The following ROBO2 variants were observed in gnomAD, a reference collection of about 807,000 sequenced individuals.
ROBO2 encodes the protein roundabout guidance receptor 2, also known as roundabout homolog 2.
ROBO2 carries 53 observed loss-of-function variants against 160.8 expected under a neutral mutation model. That is an observed-to-expected ratio of 0.33 (90% confidence interval 0.26 to 0.41). The LOEUF (loss-of-function observed/expected upper bound fraction) is 0.41. Ranked by LOEUF, ROBO2 falls within the 10% of genes least tolerant of loss-of-function variation. The probability of loss-of-function intolerance (pLI) is 1.00; values close to 1 mark genes in which losing one functional copy is unlikely to be tolerated. For synonymous variants in ROBO2, 664 were observed against 611.7 expected, an observed-to-expected ratio of 1.09 and a Z score of -1.26; for missense variants, 1,577 against 1,722.4, an observed-to-expected ratio of 0.92 and a Z score of 1.49.
intron 2 of ROBO2, among the ~76,000 whole-genome samples, chr3:77,333,128 GT>G (rs2066147014): frequency 6.6e-6 from 1 of 152,178 alleles, no homozygotes; most frequent in African/African-American, 2.4e-5. Context: ...TATGATTATG[GT>G]TATTCTAGCT....
chr3:76,707,055 T>C (rs564361230), intron 2 of ROBO2, among the ~76,000 whole-genome samples: 6 of 152,094 alleles, frequency 3.9e-5, no homozygotes, highest in Non-Finnish European at 8.8e-5. Flanking sequence ...TGCATGTATA[T>C]ATACATATTT....
chr3:77,168,994 G>T (rs1029291255), intron 2 of ROBO2, among the ~76,000 whole-genome samples: 1 of 152,192 alleles, frequency 6.6e-6, no homozygotes, highest in African/African-American at 2.4e-5. Flanking sequence ...ATGGAGAGCA[G>T]CAGTGACTCC....
At chr3:76,793,127 A>G (rs888406920) in intron 2 of ROBO2, among the ~76,000 whole-genome samples, 1 of 151,814 alleles carries the variant, frequency 6.6e-6, no homozygotes, top group South Asian at 2.1e-4. Context: ...CATATATAGA[A>G]AAATCACACT....
chr3:77,201,250 T>A (rs980868963), intron 2 of ROBO2, among the ~76,000 whole-genome samples: 1 of 152,180 alleles, frequency 6.6e-6, no homozygotes, highest in Non-Finnish European at 1.5e-5. Flanking sequence ...CTAGATTTTG[T>A]GCTCTTTCTA....
intron 2 of ROBO2, among the ~76,000 whole-genome samples, chr3:76,739,775 A>G (rs998723336): frequency 1.5e-4 from 23 of 152,210 alleles, no homozygotes; most frequent in Non-Finnish European, 2.8e-4. Flanking sequence ...TGTAAAAAAA[A>G]GGATAGAATC....
At chr3:77,594,473 C>A (rs1187467492) in intron 17 of ROBO2, among the ~76,000 whole-genome samples, 1 of 152,084 alleles carries the variant, frequency 6.6e-6, no homozygotes, top group African/African-American at 2.4e-5. Context: ...ATTGGTGTTG[C>A]TAATAAGTTC....
intron 2 of ROBO2, among the ~76,000 whole-genome samples, chr3:76,407,240 T>C (rs2075250654): frequency 1.3e-5 from 2 of 151,964 alleles, no homozygotes; most frequent in African/African-American, 4.8e-5. Context: ...TCACCTGATC[T>C]AAAGTAGTCT....
chr3:76,050,864 AC>A (rs1367074195), intron 2 of ROBO2, among the ~76,000 whole-genome samples: 1 of 152,212 alleles, frequency 6.6e-6, no homozygotes, highest in Non-Finnish European at 1.5e-5. Context: ...GAAATTACTA[AC>A]ATTCCTATCA....
chr3:76,086,587 G>A (rs753698824), intron 2 of ROBO2, among the ~76,000 whole-genome samples: 1 of 151,992 alleles, frequency 6.6e-6, no homozygotes, highest in East Asian at 1.9e-4. Flanking sequence ...TCTATTAAAG[G>A]CCTATTTACT....
At chr3:76,537,333 C>T (rs1488262233) in intron 2 of ROBO2, among the ~76,000 whole-genome samples, 1 of 152,034 alleles carries the variant, frequency 6.6e-6, no homozygotes, top group Non-Finnish European at 1.5e-5. Flanking sequence ...TCAAAAGTGC[C>T]GTTTTCTGGC....
chr3:76,389,574 T>G (rs2077051578), intron 2 of ROBO2, among the ~76,000 whole-genome samples: 1 of 152,252 alleles, frequency 6.6e-6, no homozygotes, highest in Non-Finnish European at 1.5e-5. Flanking sequence ...CTATGTGCTC[T>G]GTACTGATAA....
intron 2 of ROBO2, among the ~76,000 whole-genome samples, chr3:76,398,572 C>G (rs1284210081): frequency 6.6e-6 from 1 of 151,410 alleles, no homozygotes. Flanking sequence ...CAATTCAATA[C>G]GTACCCTCTT....
At chr3:77,216,746 C>G (rs186241843) in intron 2 of ROBO2, among the ~76,000 whole-genome samples, 1 of 152,278 alleles carries the variant, frequency 6.6e-6, no homozygotes, top group East Asian at 1.9e-4. Context: ...TTTAAACAAC[C>G]TAATGCAAAA....
At chr3:77,473,848 A>G (rs1007385149) in intron 2 of ROBO2, among the ~76,000 whole-genome samples, 2 of 152,124 alleles carry the variant, frequency 1.3e-5, no homozygotes, top group Non-Finnish European at 2.9e-5. Flanking sequence ...ATCTGCCTAA[A>G]TAATTTCTAG....
At chr3:76,550,954 G>A (rs1199577750) in intron 2 of ROBO2, among the ~76,000 whole-genome samples, 2 of 152,116 alleles carry the variant, frequency 1.3e-5, no homozygotes, top group East Asian at 1.9e-4. Context: ...GCATGTTGAT[G>A]GCAGGAGGCG....
intron 2 of ROBO2, among the ~76,000 whole-genome samples, chr3:76,213,487 C>T (rs999415604): frequency 1.3e-5 from 2 of 151,840 alleles, no homozygotes; most frequent in African/African-American, 2.4e-5. Context: ...GAGAATGGTT[C>T]CATAGATAAT....
At chr3:76,109,077 G>A (rs1439074303) in intron 2 of ROBO2, among the ~76,000 whole-genome samples, 2 of 151,782 alleles carry the variant, frequency 1.3e-5, no homozygotes, top group Non-Finnish European at 2.9e-5. Flanking sequence ...GCTGCTACTG[G>A]TTTTTAAATA....
chr3:76,658,646 T>C (rs2091684960), intron 2 of ROBO2, among the ~76,000 whole-genome samples: 2 of 152,164 alleles, frequency 1.3e-5, no homozygotes, highest in South Asian at 4.1e-4. Context: ...TTCATCCATG[T>C]CTCTGCAAAG....
intron 2 of ROBO2, among the ~76,000 whole-genome samples, chr3:77,241,243 A>T (rs115147227): frequency 0.025 from 3,816 of 152,350 alleles, 103 homozygotes; most frequent in African/African-American, 0.055. Flanking sequence ...AAGCTGCATG[A>T]CAGGAATTAT....
Sources: allele counts gnomAD v4.1 joint callset (sites outside exome capture counted in the v4.1 genomes callset), GRCh38; gene constraint gnomAD v4.1.1; transcripts MANE v1.5; gene names NCBI Gene and HGNC (gene_info 2026-07-23, HGNC 2026-07-21).